Variants in ELN observed in about 807,000 individuals in gnomAD.
ELN encodes elastin.
Under a neutral mutation model 105.8 loss-of-function variants are expected in ELN, and 65 were observed. The ratio of observed to expected loss-of-function variants is 0.61; its 90% CI spans 0.50 to 0.75. ELN has a LOEUF of 0.75. Ranked by LOEUF, ELN falls within the 30% of genes least tolerant of loss-of-function variation. The pLI is 0.00. For synonymous variants in ELN, 368 were observed against 389.2 expected (o/e 0.95, Z 0.64); for missense variants, 882 against 969.4 (o/e 0.91, Z 1.20).
intron 4 of ELN, among the ~76,000 whole-genome samples, 199 bp from the exon 5 acceptor site, chr7:74,041,017 C>CCTGAA (rs1310510046): frequency 6.6e-6 from 1 of 152,198 alleles, no homozygotes. Flanking sequence ...TGCAATGACA[C>CCTGAA]CTGCACTGCA....
chr7:74,039,956 C>T (rs565313790), intron 4 of ELN, among the ~76,000 whole-genome samples: 68 of 152,182 alleles, frequency 4.5e-4, no homozygotes, highest in Non-Finnish European at 7.5e-4. Context: ...TCCCTGGACT[C>T]CCAGCTGTGG....
At chr7:74,047,574 C>T (rs1465498518) in intron 12 of ELN, 101 bp from the exon 13 acceptor site, 1 of 1,540,552 alleles carries the variant, frequency 6.5e-7, no homozygotes, top group Non-Finnish European at 9.0e-7. Flanking sequence ...TGTGGGAGGT[C>T]TCAAGCTTTA....
chr7:74,066,916 G>T, intron 32 of ELN, 140 bp downstream of exon 32: 1 of 840,146 alleles, frequency 1.2e-6, no homozygotes, highest in Non-Finnish European at 2.0e-6. Flanking sequence ...CACGAGGCTG[G>T]ACCCCGAGCT....
intron 1 of ELN, 24 bp from the exon 2 acceptor site, chr7:74,035,340 C>T (rs934664283): frequency 6.2e-7 from 1 of 1,613,792 alleles, no homozygotes; most frequent in Non-Finnish European, 8.5e-7. Context: ...TCCTGGAGGA[C>T]TGACTCTACC....
Position 74,043,034 on chromosome 7 carries a change from G to C in ELN, c.376G>C (p.Gly126Arg). ...AGTTGGTGGCTTAGGAGTGTCTGCAGGTACGATGGCTATCCCCGAACTCCC... is the reference window on the plus strand; with the variant it reads ...AGTTGGTGGCTTAGGAGTGTCTGCACGTACGATGGCTATCCCCGAACTCCC... Reference protein sequence around the residue: ...PGVGGLGVSAGAVVPQPGAGV... With the variant: ...PGVGGLGVSARAVVPQPGAGV... The change falls in exon 7 of 33, where the codon GGT becomes CGT. Residue 126 changes from glycine (G) to arginine (R), a missense_variant and splice_region_variant. Transcript: ENST00000252034. The C allele has an allele frequency of 6.2e-7, 1 of 1,614,160 alleles. No homozygotes were observed.
In ELN at chr7:74,042,536, A is replaced by C; in HGVS notation, c.233-78A>C. On this transcript the variant is annotated intron_variant, in intron 5 of 32. Coordinates refer to ENST00000252034, the MANE Select transcript of ELN (RefSeq NM_000501.4). Reference sequence around the variant, plus strand: ...CTCCAATGTGCTTCCTGAGTGGGGCACAGCCAGGCAGGGCCAGAGCGTAGG... The same window carrying C: ...CTCCAATGTGCTTCCTGAGTGGGGCCCAGCCAGGCAGGGCCAGAGCGTAGG... The C allele has an allele frequency of 3.0e-6, 4 of 1,347,080 alleles. No homozygotes were observed. The South Asian group carries it at 4.9e-5, about 17-fold the overall frequency. 83.4% of individuals were successfully genotyped at this position (1,347,080 alleles called of 1,614,324 possible).
chr7:74,057,130 T>C (rs1795416701), intron 21 of ELN, among the ~76,000 whole-genome samples: 1 of 151,850 alleles, frequency 6.6e-6, no homozygotes, highest in Admixed American at 6.6e-5. Flanking sequence ...CCCAGCTACT[T>C]GGGAGGCTGA....
At chr7:74,066,201 T>C (rs554975533) in intron 31 of ELN, among the ~76,000 whole-genome samples, 1 of 152,262 alleles carries the variant, frequency 6.6e-6, no homozygotes, top group Non-Finnish European at 1.5e-5. Flanking sequence ...GAGCTCAGGG[T>C]TGAGGCCATG....
chr7:74,051,713 CT>C (rs782437926), intron 15 of ELN, 36 bp from the exon 16 acceptor site: 14 of 1,611,894 alleles, frequency 8.7e-6, no homozygotes, highest in Non-Finnish European at 9.3e-6. Context: ...CAGGAGGGTC[CT>C]TGGGAAACTA....
chr7:74,056,389 C>G lies in ELN; in HGVS notation c.1269C>G (p.Val423=), dbSNP rs61734583. The change falls in exon 20 of 33, where the codon GTC becomes GTG. Residue 423 remains valine, a synonymous_variant. Coordinates refer to ENST00000252034, the MANE Select transcript of ELN (RefSeq NM_000501.4). ...GIPGVAGVPG[V]GGVPGVGGVP... ...CTGGAGTCGCAGGTGTCCCTGGTGT[C>G]GGAGGTGTTCCCGGAGTCGGAGGTG... 414 of 1,613,344 alleles carry G rather than the reference C, an allele frequency of 2.6e-4. No homozygotes were observed. Among genetic ancestry groups the G allele is most frequent in the Non-Finnish European group, 3.2e-4 (381 of 1,179,566 alleles).
rs782502952 is a variant in ELN, at chr7:74,052,871, AAG to A, written c.950-274_950-273del. 18,131 of 377,898 alleles carry A rather than the reference AAG, an allele frequency of 0.048. 11 individuals are homozygous for A. Among genetic ancestry groups the A allele is most frequent in the South Asian group, 0.069 (2,112 of 30,682 alleles). 23.4% of individuals were successfully genotyped at this position (377,898 alleles called of 1,614,324 possible). ...AGAGGGAGGGAGAGAGAAAGAAAGAAAGAGAGAGAGAGAGAGAGAAAGAAAGA... is the reference window on the plus strand; with the variant it reads ...AGAGGGAGGGAGAGAGAAAGAAAGAAAGAGAGAGAGAGAGAGAAAGAAAGA... On this transcript the variant is annotated intron_variant, in intron 17 of 32. Transcript: ENST00000252034.
intron 1 of ELN, 78 bp downstream of exon 1, chr7:74,028,347 G>C: frequency 6.7e-7 from 1 of 1,502,190 alleles, no homozygotes; most frequent in Non-Finnish European, 9.0e-7. Flanking sequence ...ACGCTCAAGG[G>C]GGAGACCTTC....
intron 25 of ELN, 98 bp from the exon 26 acceptor site, chr7:74,061,003 G>A: frequency 1.4e-6 from 2 of 1,452,322 alleles, no homozygotes; most frequent in Admixed American, 1.7e-5. Flanking sequence ...AAGCAATAGA[G>A]GCCAAGGAAG....
chr7:74,039,691 C>T (rs542361122), intron 4 of ELN, among the ~76,000 whole-genome samples: 21 of 152,360 alleles, frequency 1.4e-4, no homozygotes, highest in Non-Finnish European at 2.6e-4. Flanking sequence ...GAGAGGGGCA[C>T]GGGCATGGAC....
At chr7:74,042,956 C>G in intron 6 of ELN, 28 bp from the exon 7 acceptor site, 1 of 1,614,078 alleles carries the variant, frequency 6.2e-7, no homozygotes, top group Non-Finnish European at 8.5e-7. Flanking sequence ...GTTCCTTACG[C>G]AATGCCTCAC....
intron 19 of ELN, among the ~76,000 whole-genome samples, chr7:74,055,470 T>TTTTTTC (rs1393222392): frequency 2.6e-5 from 4 of 151,972 alleles, no homozygotes; most frequent in South Asian, 2.1e-4. Context: ...ATTTTAATTT[T>TTTTTTC]TTTTTCTTTT....
chr7:74,056,460 C>G (rs782764679), intron 20 of ELN, 25 bp downstream of exon 20: 12 of 1,613,066 alleles, frequency 7.4e-6, no homozygotes, highest in Non-Finnish European at 7.6e-6. Context: ...CACCTGGGGA[C>G]ATGGGTTGAG....
intron 14 of ELN, 65 bp downstream of exon 14, chr7:74,048,266 G>T: frequency 6.2e-7 from 1 of 1,607,884 alleles, no homozygotes; most frequent in South Asian, 1.1e-5. Context: ...CAGAGCCCTG[G>T]GGTGGGTGAG....
At chr7:74,039,112 AT>A (rs2131313025) in intron 4 of ELN, among the ~76,000 whole-genome samples, 1 of 152,338 alleles carries the variant, frequency 6.6e-6, no homozygotes, top group Admixed American at 6.5e-5. Context: ...TGGAGGGTAC[AT>A]TCATTGATCC....
Sources: gnomAD v4.1 joint callset for allele counts (sites outside exome capture counted in the v4.1 genomes callset) on GRCh38, gnomAD v4.1.1 for gene constraint, MANE v1.5 for transcripts, NCBI Gene and HGNC (gene_info 2026-07-23, HGNC 2026-07-21) for gene names.